Variants in CFAP299 observed in about 807,000 individuals in gnomAD.
CFAP299 encodes cilia- and flagella-associated protein 299.
A neutral mutation model predicts 27.0 loss-of-function variants in CFAP299; 21 were observed. The observed-to-expected ratio is 0.78, with a 90% CI of 0.55 to 1.12. The LOEUF (loss-of-function observed/expected upper bound fraction) is 1.12, where lower values mean the gene tolerates loss of function less well. CFAP299 is among the 50% of genes most tolerant of loss of function. CFAP299 has a pLI of 0.00. For synonymous variants in CFAP299, 104 were observed against 98.1 expected (o/e 1.06, Z -0.36); for missense variants, 310 against 276.6 (o/e 1.12, Z -0.86).
At chr4:80,329,208 C>CACATAT in the CFAP299 span, among the ~76,000 whole-genome samples, 1 of 136,042 alleles carries the variant, frequency 7.4e-6, no homozygotes, top group African/African-American at 2.9e-5. Context: ...ACACTGTATA[C>CACATAT]ATATATATAT....
chr4:80,386,864 G>C (rs1405378822), intron 2 of CFAP299: 9 of 864,874 alleles, frequency 1.0e-5, no homozygotes, highest in Non-Finnish European at 1.8e-5. Flanking sequence ...GTTTGTCCTT[G>C]AGGTTGAATG....
chr4:80,864,545 G>GGT lies in CFAP299; in HGVS notation c.334-5447_334-5446dup, dbSNP rs1181626003. 7.0e-5 allele frequency among the ~76,000 whole-genome samples: 10 copies of GGT among 143,120 alleles called. No individual in the cohort carries two copies. In the Admixed American group the frequency reaches 7.1e-4, roughly 10 times the overall value. 93.9% of individuals were successfully genotyped at this position (143,120 alleles called of 152,430 possible). On this transcript the variant is annotated intron_variant, in intron 3 of 5. Coordinates refer to ENST00000358105, the MANE Select transcript of CFAP299 (RefSeq NM_152770.3). Reference sequence around the variant, plus strand: ...GTATATATACATATACGTATATATAGGTATATATATATAATAACTAAAACG... The same window carrying GGT: ...GTATATATACATATACGTATATATAGGTGTATATATATATAATAACTAAAACG...
At chr4:80,943,883 A>G (rs898801840) in intron 4 of CFAP299, among the ~76,000 whole-genome samples, 3 of 152,012 alleles carry the variant, frequency 2.0e-5, no homozygotes, top group African/African-American at 7.2e-5. Context: ...CCTGGCCAAC[A>G]TGGTGAAACC....
At chr4:80,865,804 C>A (rs965650496) in intron 3 of CFAP299, among the ~76,000 whole-genome samples, 3 of 149,220 alleles carry the variant, frequency 2.0e-5, no homozygotes, top group Non-Finnish European at 4.4e-5. Context: ...TCATTCTCAG[C>A]AAACTATGGC....
intron 3 of CFAP299, among the ~76,000 whole-genome samples, chr4:80,663,573 G>A (rs1740979954): frequency 6.6e-6 from 1 of 152,124 alleles, no homozygotes; most frequent in Non-Finnish European, 1.5e-5. Flanking sequence ...CTTTGCTATG[G>A]TGAACAGTGC....
At chr4:80,730,398 G>A (rs889292652) in intron 3 of CFAP299, among the ~76,000 whole-genome samples, 7 of 151,722 alleles carry the variant, frequency 4.6e-5, no homozygotes, top group African/African-American at 1.7e-4. Flanking sequence ...TGTCACTGAG[G>A]CCATGCCTAA....
At position 80,882,475 on chromosome 4, in the gene CFAP299, A is replaced by G. The variant is rs550080887; in HGVS notation, c.476+12340A>G. Among the ~76,000 whole-genome samples the G allele has an allele frequency of 3.1e-4, 47 of 152,080 alleles. No homozygotes were observed. In the East Asian group the frequency reaches 6.2e-3, roughly 20 times the overall value. On this transcript the variant is annotated intron_variant, in intron 4 of 5. Coordinates refer to ENST00000358105, the MANE Select transcript of CFAP299 (RefSeq NM_152770.3). ...AACACGGTGAAACCCCGTCTCTACT[A>G]AAAGTACAAAAAATTAGCCGGGCGC... is the stretch of plus-strand genomic sequence containing the variant.
At chr4:80,871,599 C>T (rs1361140097) in intron 4 of CFAP299, 1 of 985,106 alleles carries the variant, frequency 1.0e-6, no homozygotes, top group African/African-American at 1.7e-5. Flanking sequence ...AGGCAAAATC[C>T]AGATGTTATC....
chr4:80,585,078 A>G (rs1560638790), intron 3 of CFAP299, among the ~76,000 whole-genome samples: 1 of 152,116 alleles, frequency 6.6e-6, no homozygotes, highest in African/African-American at 2.4e-5. Context: ...AATTATAGAA[A>G]GGATAAAGCG....
At chr4:80,885,739 G>A (rs563128632) in intron 4 of CFAP299, among the ~76,000 whole-genome samples, 2 of 152,280 alleles carry the variant, frequency 1.3e-5, no homozygotes, top group Non-Finnish European at 2.9e-5. Context: ...TATGCTATGG[G>A]GCTTGGGCAC....
chr4:80,337,286 T>C (rs1035251087), intron 1 of CFAP299, among the ~76,000 whole-genome samples: 9 of 152,208 alleles, frequency 5.9e-5, no homozygotes, highest in African/African-American at 2.2e-4. Context: ...CCTAGTATTA[T>C]TAAGAAAGGT....
At chr4:80,664,778 A>T (rs899790068) in intron 3 of CFAP299, among the ~76,000 whole-genome samples, 2 of 151,904 alleles carry the variant, frequency 1.3e-5, no homozygotes, top group Non-Finnish European at 2.9e-5. Context: ...CTGGGGTATG[A>T]AAAAAAACTC....
intron 4 of CFAP299, chr4:80,871,708 T>A: frequency 1.1e-6 from 1 of 878,204 alleles, no homozygotes; most frequent in Non-Finnish European, 1.4e-6. Context: ...AAAGCAAATT[T>A]AAGATATCTC....
At chr4:80,486,518 A>G (rs1162078055) in intron 2 of CFAP299, among the ~76,000 whole-genome samples, 1 of 152,218 alleles carries the variant, frequency 6.6e-6, no homozygotes, top group Non-Finnish European at 1.5e-5. Context: ...TGCCAGAAAA[A>G]TAGCCCAAAC....
rs184339102 is a variant in CFAP299, at chr4:80,821,860, G to A, written c.334-48133G>A. 3.8e-3 allele frequency among the ~76,000 whole-genome samples: 581 copies of A among 151,906 alleles called. 1 individual carries two copies. The highest frequency in any genetic ancestry group is 0.01 in the Middle Eastern group (3 of 294). ...AGGGGAAACATTTTGATGGGGAGGT[G>A]GATGCATAGCCATCCCCTGGCTCAG... is the stretch of plus-strand genomic sequence containing the variant. On this transcript the variant is annotated intron_variant, in intron 3 of 5. Coordinates refer to ENST00000358105, the MANE Select transcript of CFAP299 (RefSeq NM_152770.3).
intron 2 of CFAP299, among the ~76,000 whole-genome samples, chr4:80,533,608 A>G (rs1047362924): frequency 1.3e-5 from 2 of 152,238 alleles, no homozygotes; most frequent in Non-Finnish European, 2.9e-5. Context: ...GTATGCACTA[A>G]ATATCTAAGA....
chr4:80,820,020 A>T (rs141696583), intron 3 of CFAP299, among the ~76,000 whole-genome samples: 1 of 152,154 alleles, frequency 6.6e-6, no homozygotes. Flanking sequence ...AAAAGTGATA[A>T]GAGAACAGCA....
chr4:80,500,769 C>T (rs978085290), intron 2 of CFAP299, among the ~76,000 whole-genome samples: 1 of 152,060 alleles, frequency 6.6e-6, no homozygotes, highest in African/African-American at 2.4e-5. Flanking sequence ...AAATAAGATA[C>T]CAACAAACCC....
At chr4:80,851,323 A>G (rs890416003) in intron 3 of CFAP299, among the ~76,000 whole-genome samples, 1 of 152,158 alleles carries the variant, frequency 6.6e-6, no homozygotes, top group African/African-American at 2.4e-5. Flanking sequence ...TGAGCTAGGC[A>G]CTGATCAGTT....
Sources: allele counts gnomAD v4.1 joint callset (sites outside exome capture counted in the v4.1 genomes callset), GRCh38; gene constraint gnomAD v4.1.1; transcripts MANE v1.5; gene names NCBI Gene and HGNC (gene_info 2026-07-23, HGNC 2026-07-21).